SPMIP2: variants seen among roughly 807,000 people sequenced by gnomAD.
SPMIP2 encodes the protein protein SPMIP2.
chr4:159,035,737 A>G, the SPMIP2 span, among the ~76,000 whole-genome samples: 1 of 152,180 alleles, frequency 6.6e-6, no homozygotes, highest in African/African-American at 2.4e-5. Flanking sequence ...GCCTTTACAC[A>G]TACAATTTGC....
the SPMIP2 span, among the ~76,000 whole-genome samples, chr4:158,962,742 T>TTCAA: frequency 6.6e-6 from 1 of 152,138 alleles, no homozygotes; most frequent in Non-Finnish European, 1.5e-5. Flanking sequence ...ATAAAGGCCT[T>TTCAA]TGCATGAATG....
At chr4:159,044,221 GAA>G in the SPMIP2 span, among the ~76,000 whole-genome samples, 1 of 151,662 alleles carries the variant, frequency 6.6e-6, no homozygotes, top group African/African-American at 2.4e-5. Flanking sequence ...ATCTGGGAAA[GAA>G]AACACAGCTG....
At chr4:158,897,215 C>T in the SPMIP2 span, among the ~76,000 whole-genome samples, 1 of 152,160 alleles carries the variant, frequency 6.6e-6, no homozygotes, top group Non-Finnish European at 1.5e-5. Context: ...TGTATATGTG[C>T]CACATTTTCT....
the SPMIP2 span, among the ~76,000 whole-genome samples, chr4:159,072,144 G>A: frequency 2.0e-5 from 3 of 152,074 alleles, no homozygotes; most frequent in African/African-American, 4.8e-5. Context: ...CAAAGCCCCC[G>A]CTATACAAAA....
the SPMIP2 span, among the ~76,000 whole-genome samples, chr4:159,048,068 G>T: frequency 6.6e-6 from 1 of 152,178 alleles, no homozygotes; most frequent in Non-Finnish European, 1.5e-5. Context: ...TGCTTTTAGC[G>T]ATGTTTTGCA....
the SPMIP2 span, among the ~76,000 whole-genome samples, chr4:158,944,736 C>A: frequency 6.6e-6 from 1 of 152,162 alleles, no homozygotes; most frequent in African/African-American, 2.4e-5. Context: ...AATTTGGAGT[C>A]ATCACTGCCT....
At chr4:158,968,590 T>G in the SPMIP2 span, among the ~76,000 whole-genome samples, 1 of 152,214 alleles carries the variant, frequency 6.6e-6, no homozygotes, top group Non-Finnish European at 1.5e-5. Flanking sequence ...TCCGAGTCCT[T>G]GATTTCACAC....
the SPMIP2 span, among the ~76,000 whole-genome samples, chr4:159,041,760 T>A: frequency 6.6e-6 from 1 of 152,266 alleles, no homozygotes; most frequent in African/African-American, 2.4e-5. Context: ...CCTTTTTCAC[T>A]GATCAATGAA....
the SPMIP2 span, among the ~76,000 whole-genome samples, chr4:158,932,425 T>C: frequency 0.7 from 106,853 of 152,036 alleles, 37,774 homozygotes; most frequent in East Asian, 0.9. Flanking sequence ...GCCAAGATCG[T>C]ACCACTGCTC....
At chr4:158,995,534 C>T in the SPMIP2 span, among the ~76,000 whole-genome samples, 1 of 152,090 alleles carries the variant, frequency 6.6e-6, no homozygotes, top group African/African-American at 2.4e-5. Flanking sequence ...GCCTCCCATA[C>T]AATCTAAAGA....
chr4:158,956,468 C>A, the SPMIP2 span, among the ~76,000 whole-genome samples: 2 of 152,204 alleles, frequency 1.3e-5, no homozygotes, highest in Admixed American at 1.3e-4. Flanking sequence ...GAGGTTGAGG[C>A]AGGAGAATGG....
At chr4:159,011,795 CA>C in the SPMIP2 span, among the ~76,000 whole-genome samples, 1 of 151,028 alleles carries the variant, frequency 6.6e-6, no homozygotes, top group East Asian at 1.9e-4. Context: ...CTTGGTGGCT[CA>C]TGCCTGTAAT....
the SPMIP2 span, among the ~76,000 whole-genome samples, chr4:158,994,891 A>G: frequency 0.66 from 100,821 of 152,038 alleles, 33,552 homozygotes; most frequent in Middle Eastern, 0.73. Context: ...CCACAGAATG[A>G]ACTCATGGCC....
chr4:159,036,364 C>T, the SPMIP2 span, among the ~76,000 whole-genome samples: 1 of 152,214 alleles, frequency 6.6e-6, no homozygotes, highest in South Asian at 2.1e-4. Flanking sequence ...CGGGGTCTGC[C>T]TTGGCTGCAG....
the SPMIP2 span, among the ~76,000 whole-genome samples, chr4:158,910,252 G>T: frequency 6.6e-6 from 1 of 151,976 alleles, no homozygotes; most frequent in Non-Finnish European, 1.5e-5. Flanking sequence ...CACTAATCTG[G>T]ATGATGCTGT....
At chr4:158,968,658 A>G in the SPMIP2 span, among the ~76,000 whole-genome samples, 1 of 152,176 alleles carries the variant, frequency 6.6e-6, no homozygotes, top group African/African-American at 2.4e-5. Flanking sequence ...CAGGCAAGGA[A>G]CCTCACCTGT....
the SPMIP2 span, among the ~76,000 whole-genome samples, chr4:159,080,590 C>T: frequency 2.6e-4 from 40 of 152,172 alleles, no homozygotes; most frequent in Non-Finnish European, 3.4e-4. Flanking sequence ...AGCAGCGATT[C>T]CCCATTATTA....
the SPMIP2 span, among the ~76,000 whole-genome samples, chr4:158,934,078 T>G: frequency 6.6e-6 from 1 of 152,304 alleles, no homozygotes; most frequent in Admixed American, 6.5e-5. Flanking sequence ...ATTTTTTACA[T>G]ACTCAAGATC....
the SPMIP2 span, among the ~76,000 whole-genome samples, chr4:159,010,584 C>T: frequency 0.23 from 34,407 of 152,132 alleles, 4,110 homozygotes; most frequent in Non-Finnish European, 0.26. Context: ...CTCTGCACCA[C>T]TCTGCCTCTT....
Sources: allele counts gnomAD v4.1 joint callset (sites outside exome capture counted in the v4.1 genomes callset), GRCh38; gene constraint gnomAD v4.1.1; transcripts MANE v1.5; gene names NCBI Gene and HGNC (gene_info 2026-07-23, HGNC 2026-07-21).